Variants in DROSHA observed in about 807,000 individuals in gnomAD.
The protein encoded by DROSHA is ribonuclease 3.
In DROSHA, 56 loss-of-function variants were observed where a neutral mutation model predicts 181.9. The observed-to-expected ratio is 0.31, with a 90% CI of 0.25 to 0.38. DROSHA has a LOEUF of 0.38. Among genes scored for constraint, DROSHA ranks in the 10% least tolerant of loss-of-function variants. The pLI is 1.00. For synonymous variants in DROSHA, 524 were observed against 591.2 expected (o/e 0.89, Z 1.65); for missense variants, 1,218 against 1,743.5 (o/e 0.70, Z 5.37).
intron 12 of DROSHA, 42 bp downstream of exon 12, chr5:31,495,244 T>A: frequency 6.3e-7 from 1 of 1,579,674 alleles, no homozygotes; most frequent in South Asian, 1.1e-5. Flanking sequence ...TTTACTCTAT[T>A]TACATTTTAA....
chr5:31,488,451 T>G (rs1752042373), intron 13 of DROSHA, among the ~76,000 whole-genome samples: 1 of 150,780 alleles, frequency 6.6e-6, no homozygotes, highest in African/African-American at 2.5e-5. Context: ...GGAGGAATTT[T>G]CCAGGTCATC....
chr5:31,521,088 C>A lies in DROSHA; in HGVS notation c.947+35G>T, dbSNP rs769524772. The A allele has an allele frequency of 3.7e-6, 6 of 1,604,720 alleles. No homozygotes were observed. In the African/African-American group the frequency reaches 5.3e-5, roughly 14 times the overall value. Reference sequence around the variant, plus strand: ...CAAAATCTGAATTCAAGGAGATAATCCTATGACTTCTTTCAGTGTCAACTC... The same window carrying A: ...CAAAATCTGAATTCAAGGAGATAATACTATGACTTCTTTCAGTGTCAACTC... On this transcript the variant is annotated intron_variant, in intron 6 of 35. Transcript: ENST00000344624.
At chr5:31,448,502 G>A (rs773542954) in intron 23 of DROSHA, 45 bp downstream of exon 23, 38 of 1,517,762 alleles carry the variant, frequency 2.5e-5, no homozygotes, top group East Asian at 2.3e-4. Flanking sequence ...TGTATAGTAC[G>A]TGAATTATAT....
At chr5:31,472,356 T>C (rs1035983214) in intron 16 of DROSHA, 124 bp from the exon 17 acceptor site, 54 of 1,191,726 alleles carry the variant, frequency 4.5e-5, no homozygotes, top group Non-Finnish European at 5.6e-5. Flanking sequence ...AAAAAGGTAA[T>C]GTAAAATTTA....
chr5:31,410,846 C>T lies in DROSHA; in HGVS notation c.3567G>A (p.Lys1189=), dbSNP rs1741229111. The change falls in exon 31 of 36, where the codon AAG becomes AAA. Residue 1189 remains lysine (K), a synonymous_variant. Coordinates refer to ENST00000344624, the MANE Select transcript of DROSHA (RefSeq NM_001382508.1). ...CCTGCATGCCCAGCTCCTCCGCTAC[C>T]TTGGCCTGAGTTCTATTATTCACCA... ...SSLVNNRTQA[K]VAEELGMQEY... 6.2e-7 allele frequency: 1 copy of T among 1,613,882 alleles called. No individual in the cohort carries two copies. Among genetic ancestry groups the T allele is most frequent in the South Asian group, 1.1e-5 (1 of 91,086 alleles).
At chr5:31,405,086 G>C (rs1740480484) in intron 35 of DROSHA, among the ~76,000 whole-genome samples, 1 of 152,186 alleles carries the variant, frequency 6.6e-6, no homozygotes. Flanking sequence ...GAAAACACAG[G>C]CCGGGTGCAG....
chr5:31,492,071 G>A (rs192852398), intron 13 of DROSHA, among the ~76,000 whole-genome samples: 1 of 152,308 alleles, frequency 6.6e-6, no homozygotes, highest in Admixed American at 6.5e-5. Flanking sequence ...TGGGATTACA[G>A]GCGTGAGCCA....
rs1749559759 is a variant in DROSHA at position 31,470,083 on chromosome 5, A to AT, written c.2241+1979dup. 6.6e-6 allele frequency among the ~76,000 whole-genome samples: 1 copy of AT among 152,078 alleles called. No individual in the cohort carries two copies. The highest frequency in any genetic ancestry group is 2.1e-4 in the South Asian group (1 of 4,802). On this transcript the variant is annotated intron_variant, in intron 17 of 35. Transcript: ENST00000344624. This position sits in a 1 kb window ranked among gnomAD's most constrained non-coding sequence, Gnocchi z 4.0. ...TCAAGATTTTTTTCCTCCTTTAAGC[A>AT]TATCTTCAGATAAACAGTATAAAAG...
chr5:31,508,968 G>A (rs534994780), intron 9 of DROSHA, among the ~76,000 whole-genome samples, 193 bp from the exon 10 acceptor site: 7 of 152,034 alleles, frequency 4.6e-5, no homozygotes, highest in South Asian at 2.1e-4. Context: ...GATTACAGGC[G>A]CCTGCCACCA....
intron 27 of DROSHA, 57 bp downstream of exon 27, chr5:31,429,418 A>C (rs186130834): frequency 2.4e-5 from 35 of 1,476,844 alleles, no homozygotes; most frequent in Non-Finnish European, 3.1e-5. Flanking sequence ...ACCAGCTGAA[A>C]TAAAATATTC....
chr5:31,413,045 G>A (rs188683823), intron 30 of DROSHA, among the ~76,000 whole-genome samples: 76 of 152,252 alleles, frequency 5.0e-4, no homozygotes, highest in African/African-American at 1.7e-3. Flanking sequence ...CAAGCCCAAC[G>A]CACACATGAG....
intron 16 of DROSHA, among the ~76,000 whole-genome samples, chr5:31,478,463 G>A (rs913119272): frequency 4.6e-5 from 7 of 152,254 alleles, no homozygotes; most frequent in Non-Finnish European, 1.0e-4. Flanking sequence ...CTGGCCAGGT[G>A]TGATGGCTCA....
Position 31,470,632 on chromosome 5 carries a change from T to C in DROSHA, c.2241+1431A>G, listed in dbSNP as rs1205832582. Reference sequence around the variant, plus strand: ...AAATCAAACGTTTGAGGATTTTTTTTTAACTACAGAAAACTGGGCCTCACT... The same window carrying C: ...AAATCAAACGTTTGAGGATTTTTTTCTAACTACAGAAAACTGGGCCTCACT... On this transcript the variant is annotated intron_variant, in intron 17 of 35. Coordinates refer to ENST00000344624, the MANE Select transcript of DROSHA (RefSeq NM_001382508.1). The surrounding 1 kb of genome is among the most constrained non-coding windows in gnomAD (Gnocchi z 4.0). Among the ~76,000 whole-genome samples the C allele has an allele frequency of 6.6e-6, 1 of 152,168 alleles. No individual in the cohort carries two copies. The highest frequency in any genetic ancestry group is 1.5e-5 in the Non-Finnish European group (1 of 68,020).
At chr5:31,480,141 T>C (rs948230252) in intron 16 of DROSHA, among the ~76,000 whole-genome samples, 2 of 142,326 alleles carry the variant, frequency 1.4e-5, no homozygotes, top group South Asian at 4.7e-4. Flanking sequence ...AAAGTGCTCA[T>C]TCAAGTCTTT....
At chr5:31,482,678 G>A (rs1751168822) in intron 16 of DROSHA, among the ~76,000 whole-genome samples, 1 of 152,112 alleles carries the variant, frequency 6.6e-6, no homozygotes, top group South Asian at 2.1e-4. Context: ...GAAACTGTAA[G>A]CCAGGTTTCA....
intron 18 of DROSHA, chr5:31,467,124 A>G (rs1224447518): frequency 6.6e-6 from 1 of 151,316 alleles, no homozygotes; most frequent in African/African-American, 2.4e-5. Flanking sequence ...AGAATGGAGG[A>G]AAGAAAGAAG....
intron 23 of DROSHA, among the ~76,000 whole-genome samples, chr5:31,443,236 T>A (rs898912974): frequency 6.6e-6 from 1 of 152,038 alleles, no homozygotes; most frequent in Non-Finnish European, 1.5e-5. Flanking sequence ...CAGGCTGGAC[T>A]TGAACTCCTG....
chr5:31,429,505 C>A lies in DROSHA; in HGVS notation c.3186G>T (p.Gln1062His). 2 of 1,612,020 alleles carry A rather than the reference C, an allele frequency of 1.2e-6. No individual in the cohort carries two copies. Among genetic ancestry groups the A allele is most frequent in the Non-Finnish European group, 1.7e-6 (2 of 1,178,804 alleles). Reference protein sequence around the residue: ...YLEGSLEEAKQLFGRLLFNDP... With the variant: ...YLEGSLEEAKHLFGRLLFNDP... ...CATTAAAGAGCAAGCGTCCAAATAA[C>A]TGCTTGGCTTCCTCCAGGCTTCCCT... The change falls in exon 27 of 36, where the codon CAG becomes CAT. Residue 1062 changes from glutamine (Q) to histidine (H), a missense_variant. Gln to His is a conservative substitution (Grantham distance 24, BLOSUM62 0). Around this residue, in one of 8 missense-constraint regions of DROSHA, gnomAD observed 71 missense variants for 95.2 expected, o/e 0.75. Coordinates refer to ENST00000344624, the MANE Select transcript of DROSHA (RefSeq NM_001382508.1).
intron 35 of DROSHA, among the ~76,000 whole-genome samples, chr5:31,405,362 C>T (rs1040577325): frequency 9.5e-5 from 14 of 147,078 alleles, no homozygotes; most frequent in African/African-American, 2.5e-4. Flanking sequence ...GCAACAACAG[C>T]GAAACTCCAT....
Sources: allele counts gnomAD v4.1 joint callset (sites outside exome capture counted in the v4.1 genomes callset), GRCh38; gene constraint gnomAD v4.1.1; regional missense constraint gnomAD v4.1.1; non-coding constraint Gnocchi (gnomAD v3.1); transcripts MANE v1.5; gene names NCBI Gene and HGNC (gene_info 2026-07-23, HGNC 2026-07-21).